SVEP1: variants seen among roughly 807,000 people sequenced by gnomAD.
The protein encoded by SVEP1 is sushi, von Willebrand factor type A, EGF and pentraxin domain containing 1.
A neutral mutation model predicts 367.3 loss-of-function variants in SVEP1; 164 were observed. That is an observed-to-expected ratio of 0.45 (90% CI 0.39 to 0.51). SVEP1 has a LOEUF of 0.51. SVEP1 is among the 20% of genes least tolerant of loss of function. SVEP1 has a pLI of 0.00. For synonymous variants in SVEP1, 1,666 were observed against 1,611.6 expected (o/e 1.03, Z -0.81); for missense variants, 4,117 against 4,425.3 (o/e 0.93, Z 1.98).
intron 3 of SVEP1, among the ~76,000 whole-genome samples, chr9:110,524,127 C>T (rs1207719367): frequency 1.3e-5 from 2 of 151,774 alleles, no homozygotes; most frequent in South Asian, 4.2e-4. Flanking sequence ...TTTGAATAGC[C>T]CTATGGTTAA....
chr9:110,483,503 C>G, intron 10 of SVEP1, 83 bp downstream of exon 10: 1 of 844,964 alleles, frequency 1.2e-6, no homozygotes, highest in Non-Finnish European at 1.7e-6. Context: ...TTTGCTTTTT[C>G]TCTTTTATCC....
chr9:110,473,319 T>C (rs12349119), intron 14 of SVEP1, among the ~76,000 whole-genome samples: 1 of 151,936 alleles, frequency 6.6e-6, no homozygotes, highest in African/African-American at 2.4e-5. Flanking sequence ...CAAAGAGAAA[T>C]GTATTAAAAA....
chr9:110,499,195 T>C lies in SVEP1; in HGVS notation c.1527A>G (p.Ile509Met), dbSNP rs771318197. 5.6e-6 allele frequency: 9 copies of C among 1,613,248 alleles called. No homozygotes were observed. Among genetic ancestry groups the C allele is most frequent in the Non-Finnish European group, 6.8e-6 (8 of 1,179,618 alleles). Reference sequence around the variant, plus strand: ...GCTGCTTGCCACAGTTGTGGGGGGATATGATGACATCTTTGGGCATCTGAA... The same window carrying C: ...GCTGCTTGCCACAGTTGTGGGGGGACATGATGACATCTTTGGGCATCTGAA... Reference protein sequence around the residue: ...STFQMPKDVIISPHNCGKQPA... With the variant: ...STFQMPKDVIMSPHNCGKQPA... Residue 509 changes from isoleucine to methionine, a missense_variant, in exon 7 of 48, where the codon ATA (isoleucine) becomes ATG (methionine). Transcript: ENST00000374469.
intron 1 of SVEP1, among the ~76,000 whole-genome samples, chr9:110,574,966 A>C (rs768563013): frequency 6.6e-6 from 1 of 152,004 alleles, no homozygotes; most frequent in Non-Finnish European, 1.5e-5. Context: ...AGGACGGTCT[A>C]GATCTCCTGA....
At chr9:110,572,327 G>A (rs10980453) in intron 1 of SVEP1, among the ~76,000 whole-genome samples, 12,090 of 152,212 alleles carry the variant, frequency 0.079, 1,019 homozygotes, top group East Asian at 0.46. Flanking sequence ...CTCTCTCCAT[G>A]TGTCTAAGCA....
chr9:110,578,671 A>T (rs78492384), intron 1 of SVEP1, among the ~76,000 whole-genome samples: 1,618 of 152,260 alleles, frequency 0.011, 23 homozygotes, highest in African/African-American at 0.037. Flanking sequence ...ACCTTTAGAA[A>T]CACTTTGTAA....
intron 40 of SVEP1, among the ~76,000 whole-genome samples, chr9:110,399,351 C>T (rs896342498): frequency 1.7e-5 from 2 of 118,612 alleles, no homozygotes; most frequent in South Asian, 2.8e-4. Context: ...GTTGTGGGGT[C>T]GGGGGAGGGA....
intron 3 of SVEP1, among the ~76,000 whole-genome samples, chr9:110,539,296 T>C (rs951198725): frequency 2.0e-5 from 3 of 151,970 alleles, no homozygotes; most frequent in Non-Finnish European, 4.4e-5. Context: ...AGGAATGAAA[T>C]AGCATACGAG....
intron 22 of SVEP1, among the ~76,000 whole-genome samples, chr9:110,453,197 A>AT (rs545037162): frequency 1.1e-3 from 167 of 152,228 alleles, no homozygotes; most frequent in African/African-American, 3.8e-3. Flanking sequence ...ATATATTCAG[A>AT]TATCTTTTTA....
intron 14 of SVEP1, among the ~76,000 whole-genome samples, chr9:110,473,282 T>C (rs1050414496): frequency 6.6e-6 from 1 of 152,184 alleles, no homozygotes; most frequent in Non-Finnish European, 1.5e-5. Flanking sequence ...TCCACAAGCA[T>C]TAAGTAGCTG....
chr9:110,426,164 G>A (rs1828250072), intron 36 of SVEP1, among the ~76,000 whole-genome samples: 1 of 152,124 alleles, frequency 6.6e-6, no homozygotes, highest in Non-Finnish European at 1.5e-5. Flanking sequence ...AAGATTCCTT[G>A]TTCACTTAAG....
intron 39 of SVEP1, among the ~76,000 whole-genome samples, chr9:110,403,296 G>GTGTTTTTTT: frequency 6.9e-5 from 3 of 43,462 alleles, no homozygotes; most frequent in South Asian, 1.4e-3. Flanking sequence ...CGCCACCGCC[G>GTGTTTTTTT]TTTTTTTTTT....
At chr9:110,552,793 G>A (rs972843537) in intron 1 of SVEP1, among the ~76,000 whole-genome samples, 18 of 152,174 alleles carry the variant, frequency 1.2e-4, no homozygotes, top group African/African-American at 3.1e-4. Context: ...TCCACGGCCT[G>A]GGTACTGGGG....
intron 1 of SVEP1, among the ~76,000 whole-genome samples, chr9:110,568,432 G>C (rs1001666729): frequency 1.3e-5 from 2 of 152,158 alleles, no homozygotes; most frequent in Non-Finnish European, 2.9e-5. Context: ...TCCTTGATTG[G>C]TAAATATTTC....
intron 35 of SVEP1, 90 bp from the exon 36 acceptor site, chr9:110,427,848 C>T: frequency 6.9e-7 from 1 of 1,451,902 alleles, no homozygotes; most frequent in East Asian, 2.3e-5. Flanking sequence ...AAATAAGGGA[C>T]ATTTGAGGAA....
Position 110,577,198 on chromosome 9 carries a change from A to G in SVEP1, c.531+1815T>C, listed in dbSNP as rs191596385. Among the ~76,000 whole-genome samples the G allele has an allele frequency of 1.7e-4, 26 of 152,274 alleles. No homozygotes were observed. In the East Asian group the frequency reaches 3.9e-3, roughly 23 times the overall value. ...TGGGTAAGAATTAACTAGAAAAAGA[A>G]TAGATTTTTTAAAAGGAGAATTTGC... On this transcript the variant is annotated intron_variant, in intron 1 of 47. Coordinates refer to ENST00000374469, the MANE Select transcript of SVEP1 (RefSeq NM_153366.4).
At chr9:110,436,261 T>C in intron 28 of SVEP1, 119 bp downstream of exon 28, 1 of 1,273,556 alleles carries the variant, frequency 7.9e-7, no homozygotes. Flanking sequence ...ATGATACTGG[T>C]GATAAATTCT....
intron 14 of SVEP1, among the ~76,000 whole-genome samples, chr9:110,475,539 C>CT (rs59063882): frequency 0.13 from 18,172 of 144,296 alleles, 1,488 homozygotes; most frequent in South Asian, 0.23. Context: ...TTATTATTAT[C>CT]TTTTTTTTTT....
intron 1 of SVEP1, among the ~76,000 whole-genome samples, chr9:110,572,820 G>C (rs1564180039): frequency 1.7e-5 from 2 of 118,392 alleles, no homozygotes; most frequent in African/African-American, 6.4e-5. Context: ...AAAAAAATGA[G>C]TACTACTTTT....
Sources: gnomAD v4.1 joint callset for allele counts (sites outside exome capture counted in the v4.1 genomes callset) on GRCh38, gnomAD v4.1.1 for gene constraint, MANE v1.5 for transcripts, NCBI Gene and HGNC (gene_info 2026-07-23, HGNC 2026-07-21) for gene names.